CDC20: variants seen among roughly 807,000 people sequenced by gnomAD.
CDC20 encodes cell division cycle 20.
A neutral mutation model predicts 60.0 loss-of-function variants in CDC20; 34 were observed. The observed-to-expected ratio is 0.57, with a 90% CI of 0.43 to 0.75. The LOEUF (loss-of-function observed/expected upper bound fraction) is 0.75, where lower values mean the gene tolerates loss of function less well. Among genes scored for constraint, CDC20 ranks in the 30% least tolerant of loss-of-function variants. CDC20 has a pLI of 0.00. For synonymous variants in CDC20, 198 were observed against 243.5 expected (o/e 0.81, Z 1.74); for missense variants, 469 against 647.3 (o/e 0.72, Z 2.99).
intron 2 of CDC20, 33 bp from the exon 3 acceptor site, chr1:43,359,457 C>G (rs1335170362): frequency 6.2e-7 from 1 of 1,613,556 alleles, no homozygotes. Flanking sequence ...CCTGGGGAGC[C>G]TGGTCAGACT....
rs200349485 is a variant in CDC20, at chr1:43,363,062, C to T, written c.1433C>T (p.Ala478Val). The change falls in exon 11 of 11, where the codon GCG becomes GTG. Residue 478 changes from alanine to valine, a missense_variant. Coordinates refer to ENST00000310955, the MANE Select transcript of CDC20 (RefSeq NM_001255.3). ...TGGCGCTGTTTTGAGTTGGACCCTG[C>T]GCGGCGGCGGGAGCGGGAGAAGGCC... ...RLWRCFELDP[A>V]RRREREKASA... The T allele has an allele frequency of 2.3e-5, 37 of 1,613,448 alleles. No individual in the cohort carries two copies. The South Asian group carries it at 2.3e-4, about 10-fold the overall frequency.
chr1:43,359,114 G>C (rs45467301), intron 1 of CDC20, 53 bp from the exon 2 acceptor site: 1 of 1,255,994 alleles, frequency 8.0e-7, no homozygotes, highest in East Asian at 2.3e-5. Context: ...GGCCGGCCAG[G>C]AGCGAAGGGG....
chr1:43,360,823 T>G lies in CDC20; in HGVS notation c.939T>G (p.Cys313Trp). ...ATLSGHSQEV[C>W]GLRWAPDGRH... is the part of the protein sequence containing the mutation. ...TGAGTGGCCACAGCCAGGAAGTGTGTGGGCTGCGCTGGGCCCCAGATGGAC... is the reference window on the plus strand; with the variant it reads ...TGAGTGGCCACAGCCAGGAAGTGTGGGGGCTGCGCTGGGCCCCAGATGGAC... Residue 313 changes from cysteine to tryptophan, a missense_variant, in exon 8 of 11, where the codon TGT becomes TGG. Around this residue, in one of 5 missense-constraint regions of CDC20, gnomAD observed 255 missense variants for 326.7 expected, o/e 0.78. Transcript: ENST00000310955. The G allele has an allele frequency of 1.2e-6, 2 of 1,614,066 alleles. No individual in the cohort carries two copies.
In CDC20 at chr1:43,359,250, C is replaced by G; in HGVS notation, c.35C>G (p.Ser12Trp). 1 of 1,611,772 alleles carries G rather than the reference C, an allele frequency of 6.2e-7. No individual in the cohort carries two copies. Among genetic ancestry groups the G allele is most frequent in the Non-Finnish European group, 8.5e-7 (1 of 1,179,928 alleles). The change falls in exon 2 of 11, where the codon TCG becomes TGG. Residue 12 changes from serine to tryptophan, a missense_variant. Transcript: ENST00000310955. Reference protein sequence around the residue: ...AQFAFESDLHSLLQLDAPIPN... With the variant: ...AQFAFESDLHWLLQLDAPIPN... ...TTCGCGTTCGAGAGTGACCTGCACT[C>G]GCTGCTTCAGCTGGATGCACCCATC...
In CDC20 at chr1:43,360,590, C is replaced by T. The variant is rs143180781; in HGVS notation, c.845C>T (p.Ser282Phe). 2.5e-5 allele frequency: 41 copies of T among 1,612,956 alleles called. No individual in the cohort carries two copies. The highest frequency in any genetic ancestry group is 3.4e-5 in the Non-Finnish European group (40 of 1,178,962). ...GSLSWNSYIL[S>F]SGSRSGHIHH... is the part of the protein sequence containing the mutation. ...CTAAGCTGGAACAGCTATATCCTGT[C>T]CAGGTCAGTGGTTTTTGTTGGTCTA... is the stretch of plus-strand genomic sequence containing the variant. Residue 282 changes from serine (S) to phenylalanine (F), a missense_variant, in exon 7 of 11, where the codon TCC (serine) becomes TTC (phenylalanine). Ser to Phe is a radical substitution (Grantham distance 155, BLOSUM62 -2). This residue lies in a region of CDC20 where 255 missense variants were observed against 326.7 expected (regional missense o/e 0.78). Transcript: ENST00000310955.
Position 43,360,515 on chromosome 1 carries a change from A to T in CDC20, c.770A>T (p.Gln257Leu). ...TCTCTCTAGCTATGGGATGTGCAGC[A>T]GCAGAAACGGCTTCGAAATATGACC... The part of the protein sequence containing the change: ...SAEVQLWDVQ[Q>L]QKRLRNMTSH... The change falls in exon 7 of 11, where the codon CAG (glutamine) becomes CTG (leucine). Residue 257 changes from glutamine to leucine, a missense_variant. Physicochemically the swap from Gln to Leu is moderately radical, Grantham distance 113. This residue lies in a region of CDC20 where 255 missense variants were observed against 326.7 expected (regional missense o/e 0.78). Transcript: ENST00000310955. 6.2e-7 allele frequency: 1 copy of T among 1,614,124 alleles called. No homozygotes were observed. Among genetic ancestry groups the T allele is most frequent in the Non-Finnish European group, 8.5e-7 (1 of 1,179,946 alleles).
At chr1:43,359,034 T>G (rs1557472606) in intron 1 of CDC20, 28 bp downstream of exon 1, 1 of 637,140 alleles carries the variant, frequency 1.6e-6, no homozygotes. Flanking sequence ...TGAGCCGAGG[T>G]GGGGCCGTGG....
chr1:43,360,162 A>T, intron 5 of CDC20, 31 bp from the exon 6 acceptor site: 1 of 1,613,828 alleles, frequency 6.2e-7, no homozygotes, highest in Non-Finnish European at 8.5e-7. Context: ...ACAAACAAGG[A>T]AGCTCATGCT....
chr1:43,362,993 G>A lies in CDC20; in HGVS notation c.1364G>A (p.Gly455Glu). 1 of 1,610,282 alleles carries A rather than the reference G, an allele frequency of 6.2e-7. No individual in the cohort carries two copies. The highest frequency in any genetic ancestry group is 8.5e-7 in the Non-Finnish European group (1 of 1,178,964). Reference protein sequence around the residue: ...RVLSLTMSPDGATVASAAADE... With the variant: ...RVLSLTMSPDEATVASAAADE... ...CTGAGTCTGACCATGAGCCCAGATGGGGCCACAGTGGCATCCGCAGCAGCA... is the reference window on the plus strand; with the variant it reads ...CTGAGTCTGACCATGAGCCCAGATGAGGCCACAGTGGCATCCGCAGCAGCA... Residue 455 changes from glycine to glutamate, a missense_variant, in exon 11 of 11, where the codon GGG becomes GAG. Physicochemically the swap from Gly to Glu is moderately conservative, Grantham distance 98. Transcript: ENST00000310955.
chr1:43,360,585 C>T lies in CDC20; in HGVS notation c.840C>T (p.Ile280=). The T allele has an allele frequency of 1.2e-6, 2 of 1,613,364 alleles. No individual in the cohort carries two copies. The highest frequency in any genetic ancestry group is 1.7e-6 in the Non-Finnish European group (2 of 1,179,248). ...RVGSLSWNSY[I]LSSGSRSGHI... is the part of the protein sequence containing the mutation. ...GCTCCCTAAGCTGGAACAGCTATAT[C>T]CTGTCCAGGTCAGTGGTTTTTGTTG... Residue 280 remains isoleucine (I), a synonymous_variant, in exon 7 of 11, where the codon ATC becomes ATT. Coordinates refer to ENST00000310955, the MANE Select transcript of CDC20 (RefSeq NM_001255.3).
chr1:43,361,236 C>T lies in CDC20; in HGVS notation c.1194C>T (p.Ala398=), dbSNP rs747229782. The stretch of plus-strand genomic sequence containing the variant: ...GGGCCTGTCTGAGTGCCGTGGATGC[C>T]CATTCCCAGGTAATCTTTTGCCTGT... ...CSGACLSAVD[A]HSQVCSILWS... is the part of the protein sequence containing the mutation. Residue 398 remains alanine (A), a synonymous_variant, in exon 9 of 11, where the codon GCC becomes GCT. Transcript: ENST00000310955. 1.9e-5 allele frequency: 30 copies of T among 1,603,886 alleles called. No individual in the cohort carries two copies. The highest frequency in any genetic ancestry group is 2.6e-5 in the Non-Finnish European group (30 of 1,174,842).
chr1:43,363,037 T>A lies in CDC20; in HGVS notation c.1408T>A (p.Trp470Arg). The A allele has an allele frequency of 6.2e-7, 1 of 1,613,666 alleles. No homozygotes were observed. The highest frequency in any genetic ancestry group is 8.5e-7 in the Non-Finnish European group (1 of 1,179,884). The stretch of plus-strand genomic sequence containing the variant: ...AGCAGCAGATGAGACCCTGAGGCTA[T>A]GGCGCTGTTTTGAGTTGGACCCTGC... Reference protein sequence around the residue: ...SAAADETLRLWRCFELDPARR... With the variant: ...SAAADETLRLRRCFELDPARR... The change falls in exon 11 of 11, where the codon TGG (tryptophan) becomes AGG (arginine). Residue 470 changes from tryptophan (W) to arginine (R), a missense_variant. Coordinates refer to ENST00000310955, the MANE Select transcript of CDC20 (RefSeq NM_001255.3).
rs377262124 is a variant in CDC20 at position 43,360,928 on chromosome 1, G to A, written c.1044G>A (p.Leu348=). 11 of 1,613,834 alleles carry A rather than the reference G, an allele frequency of 6.8e-6. No individual in the cohort carries two copies. The highest frequency in any genetic ancestry group is 9.3e-6 in the Non-Finnish European group (11 of 1,179,866). Residue 348 remains leucine (L), a synonymous_variant, in exon 8 of 11, where the codon CTG becomes CTA. Coordinates refer to ENST00000310955, the MANE Select transcript of CDC20 (RefSeq NM_001255.3). ...SAPGEGGWVP[L]QTFTQHQGAV... ...CTGGAGAGGGTGGCTGGGTTCCTCTGCAGACATTCACCCAGCATCAAGGGG... is the reference window on the plus strand; with the variant it reads ...CTGGAGAGGGTGGCTGGGTTCCTCTACAGACATTCACCCAGCATCAAGGGG...
At chr1:43,361,987 T>G (rs1647174644) in intron 9 of CDC20, among the ~76,000 whole-genome samples, 1 of 152,246 alleles carries the variant, frequency 6.6e-6, no homozygotes, top group South Asian at 2.1e-4. Context: ...GCTCCCTGAT[T>G]TAAGTCCCAG....
rs1346010891 is a variant in CDC20, at chr1:43,359,799, A to G, written c.405A>G (p.Gly135=). The change falls in exon 4 of 11, where the codon GGA becomes GGG. Residue 135 remains glycine, a synonymous_variant. Coordinates refer to ENST00000310955, the MANE Select transcript of CDC20 (RefSeq NM_001255.3). The part of the protein sequence containing the change: ...VEEAKILRLS[G]KPQNAPEGYQ... The stretch of plus-strand genomic sequence containing the variant: ...AAGCCAAGATCCTTCGGCTCAGTGG[A>G]AAACCACAAAATGCGCCAGAGGGTA... 3.7e-6 allele frequency: 6 copies of G among 1,613,824 alleles called. No individual in the cohort carries two copies. The highest frequency in any genetic ancestry group is 1.6e-4 in the Middle Eastern group (1 of 6,082).
intron 9 of CDC20, 76 bp downstream of exon 9, chr1:43,361,321 A>G: frequency 7.2e-7 from 1 of 1,386,982 alleles, no homozygotes. Flanking sequence ...TGGCTTCACC[A>G]ACTCTATGCC....
intron 7 of CDC20, 42 bp downstream of exon 7, chr1:43,360,635 C>T (rs1311273638): frequency 1.9e-6 from 3 of 1,582,708 alleles, no homozygotes; most frequent in East Asian, 2.2e-5. Context: ...GATATTTGCC[C>T]ACCCTCCCCT....
At position 43,359,223 on chromosome 1, in the gene CDC20, A is replaced by G. The variant is rs1647158161; in HGVS notation, c.8A>G (p.Gln3Arg). The change falls in exon 2 of 11, where the codon CAG becomes CGG. Residue 3 changes from glutamine (Q) to arginine (R), a missense_variant. Coordinates refer to ENST00000310955, the MANE Select transcript of CDC20 (RefSeq NM_001255.3). Reference sequence around the variant, plus strand: ...CCCCCTGCGGGCGCTCCCATGGCACAGTTCGCGTTCGAGAGTGACCTGCAC... The same window carrying G: ...CCCCCTGCGGGCGCTCCCATGGCACGGTTCGCGTTCGAGAGTGACCTGCAC... MAQFAFESDLHSL... is the reference protein window; with the variant it reads MARFAFESDLHSL... 6.2e-7 allele frequency: 1 copy of G among 1,611,454 alleles called. No homozygotes were observed. The highest frequency in any genetic ancestry group is 8.5e-7 in the Non-Finnish European group (1 of 1,179,914).
intron 8 of CDC20, 43 bp downstream of exon 8, chr1:43,361,004 A>C (rs766010708): frequency 1.3e-6 from 2 of 1,593,256 alleles, no homozygotes; most frequent in Non-Finnish European, 1.7e-6. Context: ...CCTCACCTAT[A>C]ATCTGGGGAC....
Sources: gnomAD v4.1 joint callset for allele counts (sites outside exome capture counted in the v4.1 genomes callset) on GRCh38, gnomAD v4.1.1 for gene constraint, gnomAD v4.1.1 regional missense constraint, MANE v1.5 for transcripts, NCBI Gene and HGNC (gene_info 2026-07-23, HGNC 2026-07-21) for gene names.